Variants in TRAPPC9 observed in about 807,000 individuals in gnomAD.
TRAPPC9 encodes IKK2 binding protein.
In TRAPPC9, 83 loss-of-function variants were observed where a neutral mutation model predicts 124.0. That is an observed-to-expected ratio of 0.67 (90% CI 0.56 to 0.80). TRAPPC9 has a LOEUF of 0.80. Ranked by LOEUF, TRAPPC9 falls within the 30% of genes least tolerant of loss-of-function variation. The pLI is 0.00. For missense variants in TRAPPC9, 1,302 were observed against 1,508.3 expected, an observed-to-expected ratio of 0.86 and a Z score of 2.27; for synonymous variants, 638 against 617.5, an observed-to-expected ratio of 1.03 and a Z score of -0.49.
intron 4 of TRAPPC9, 126 bp downstream of exon 4, chr8:140,434,986 T>G (rs62527778): frequency 1.1e-5 from 16 of 1,461,462 alleles, no homozygotes; most frequent in Non-Finnish European, 1.4e-5. Flanking sequence ...AAAAAAAAAT[T>G]ACTGACTCAA....
rs148060390 is a variant in TRAPPC9, at chr8:139,963,081, G to A, written c.2810+25645C>T. Among the ~76,000 whole-genome samples the A allele has an allele frequency of 7.2e-4, 110 of 152,346 alleles. No homozygotes were observed. The East Asian group carries it at 0.016, about 23-fold the overall frequency. On this transcript the variant is annotated intron_variant, in intron 19 of 22. Coordinates refer to ENST00000438773, the MANE Select transcript of TRAPPC9 (RefSeq NM_001160372.4). ...GCAATAGAGAACTAATACCACTAAC[G>A]AGAGACGGAGGTGTCTCTCATTAAA... is the stretch of plus-strand genomic sequence containing the variant.
chr8:140,117,544 T>G (rs1471684237), intron 17 of TRAPPC9, among the ~76,000 whole-genome samples: 1 of 152,192 alleles, frequency 6.6e-6, no homozygotes. Flanking sequence ...CCCAAAGCTC[T>G]TTTATGAAAG....
At chr8:140,290,914 C>T (rs2065634933) in intron 12 of TRAPPC9, 79 bp downstream of exon 12, 1 of 1,151,692 alleles carries the variant, frequency 8.7e-7, no homozygotes, top group East Asian at 2.3e-5. Flanking sequence ...AGATGTGTGC[C>T]TCAGACATTA....
At chr8:140,315,799 A>T (rs2066427923) in intron 9 of TRAPPC9, among the ~76,000 whole-genome samples, 1 of 152,218 alleles carries the variant, frequency 6.6e-6, no homozygotes, top group South Asian at 2.1e-4. Flanking sequence ...TACACAGGAA[A>T]CACTGTCAAA....
At chr8:140,452,719 T>C (rs2071511344) in intron 1 of TRAPPC9, among the ~76,000 whole-genome samples, 1 of 152,184 alleles carries the variant, frequency 6.6e-6, no homozygotes, top group Non-Finnish European at 1.5e-5. Context: ...TACATGTTTG[T>C]TGAAGGGATT....
At chr8:140,347,677 T>C (rs963366347) in intron 9 of TRAPPC9, among the ~76,000 whole-genome samples, 3 of 152,222 alleles carry the variant, frequency 2.0e-5, no homozygotes, top group Admixed American at 6.5e-5. Context: ...CCTTGTTGTA[T>C]TCAGAGCTGA....
intron 17 of TRAPPC9, among the ~76,000 whole-genome samples, chr8:140,148,121 C>T (rs559480085): frequency 5.9e-5 from 9 of 152,364 alleles, no homozygotes; most frequent in African/African-American, 9.6e-5. Flanking sequence ...AAGCCCCCAC[C>T]GAGTAGGACA....
chr8:140,303,505 T>G (rs748758208), intron 10 of TRAPPC9, among the ~76,000 whole-genome samples: 8 of 152,240 alleles, frequency 5.3e-5, no homozygotes, highest in Admixed American at 5.2e-4. Context: ...AGATCACTTA[T>G]AGTTCTATCA....
chr8:140,300,370 C>A, intron 11 of TRAPPC9, 99 bp downstream of exon 11: 4 of 1,490,008 alleles, frequency 2.7e-6, no homozygotes, highest in Non-Finnish European at 3.7e-6. Flanking sequence ...CACACATGCA[C>A]ATGCATGAAC....
intron 17 of TRAPPC9, among the ~76,000 whole-genome samples, chr8:140,075,552 C>T (rs1046267458): frequency 2.0e-5 from 3 of 152,222 alleles, no homozygotes; most frequent in East Asian, 1.9e-4. Context: ...GAACTGCCTT[C>T]GCTGCCGCCA....
chr8:140,168,193 C>T lies in TRAPPC9; in HGVS notation c.2556+53266G>A, dbSNP rs532455459. Among the ~76,000 whole-genome samples, 14 of 152,134 alleles carry T rather than the reference C, an allele frequency of 9.2e-5. 1 individual carries two copies. The highest frequency in any genetic ancestry group is 1.9e-4 in the Non-Finnish European group (13 of 68,024). ...TGGCAACTTTGTCATTTTGTCATCACGTACTTTGATCATTTCAAAGTGATC... is the reference window on the plus strand; with the variant it reads ...TGGCAACTTTGTCATTTTGTCATCATGTACTTTGATCATTTCAAAGTGATC... On this transcript the variant is annotated intron_variant, in intron 17 of 22. Transcript: ENST00000438773.
chr8:139,773,537 T>C (rs1027553531), intron 21 of TRAPPC9, among the ~76,000 whole-genome samples: 1 of 152,166 alleles, frequency 6.6e-6, no homozygotes, highest in Non-Finnish European at 1.5e-5. Flanking sequence ...TTGGGACAGC[T>C]GGGTCGCTAG....
At chr8:139,789,723 C>T (rs566620605) in intron 21 of TRAPPC9, among the ~76,000 whole-genome samples, 8 of 152,224 alleles carry the variant, frequency 5.3e-5, no homozygotes, top group East Asian at 3.9e-4. Context: ...CCTGTGACGC[C>T]GGAAGCCTGT....
intron 21 of TRAPPC9, among the ~76,000 whole-genome samples, chr8:139,828,733 C>T (rs1034301106): frequency 6.6e-6 from 1 of 152,182 alleles, no homozygotes; most frequent in Non-Finnish European, 1.5e-5. Flanking sequence ...CTTGAAGGAA[C>T]GCTGCCCAGG....
intron 9 of TRAPPC9, among the ~76,000 whole-genome samples, chr8:140,329,720 C>A (rs558964022): frequency 6.6e-6 from 1 of 152,120 alleles, no homozygotes; most frequent in Non-Finnish European, 1.5e-5. Flanking sequence ...ATTTCGGAAT[C>A]TAAGGCTTGG....
intron 19 of TRAPPC9, among the ~76,000 whole-genome samples, chr8:139,942,849 G>A (rs1482816910): frequency 6.6e-5 from 10 of 152,142 alleles, no homozygotes; most frequent in Non-Finnish European, 1.3e-4. Context: ...TGGCCAAAAA[G>A]TCTGAAGACA....
intron 17 of TRAPPC9, among the ~76,000 whole-genome samples, chr8:140,134,146 T>C (rs560809997): frequency 6.6e-6 from 1 of 152,102 alleles, no homozygotes; most frequent in Non-Finnish European, 1.5e-5. Flanking sequence ...TTCAAAAGTA[T>C]CTACAAAGCC....
intron 21 of TRAPPC9, among the ~76,000 whole-genome samples, chr8:139,821,198 A>G (rs1825228436): frequency 6.6e-6 from 1 of 152,274 alleles, no homozygotes; most frequent in Non-Finnish European, 1.5e-5. Context: ...AGAAATCCAC[A>G]TGATCAAAGA....
chr8:140,189,045 A>T (rs1161696361), intron 17 of TRAPPC9, among the ~76,000 whole-genome samples: 5 of 152,128 alleles, frequency 3.3e-5, no homozygotes, highest in Non-Finnish European at 7.4e-5. Context: ...TGTGTATGGA[A>T]CCCATACCAT....
Sources: gnomAD v4.1 joint callset for allele counts (sites outside exome capture counted in the v4.1 genomes callset) on GRCh38, gnomAD v4.1.1 for gene constraint, MANE v1.5 for transcripts, NCBI Gene and HGNC (gene_info 2026-07-23, HGNC 2026-07-21) for gene names.